TBR1: variants seen among roughly 807,000 people sequenced by gnomAD.
TBR1 encodes the protein T-box brain protein 1.
TBR1 carries 7 observed loss-of-function variants against 60.3 expected under a neutral mutation model. The observed-to-expected ratio is 0.12, with a 90% CI of 0.07 to 0.22. The LOEUF (loss-of-function observed/expected upper bound fraction) is 0.22. Ranked by LOEUF, TBR1 falls within the 10% of genes least tolerant of loss-of-function variation. The probability of loss-of-function intolerance (pLI) is 1.00; values close to 1 mark genes in which losing one functional copy is unlikely to be tolerated. For synonymous variants in TBR1, 417 were observed against 409.9 expected (o/e 1.02, Z -0.21); for missense variants, 616 against 936.8 (o/e 0.66, Z 4.47).
chr2:161,423,414 C>A lies in TBR1; in HGVS notation c.1236C>A (p.Asn412Lys). 6.3e-7 allele frequency: 1 copy of A among 1,593,190 alleles called. No homozygotes were observed. Among genetic ancestry groups the A allele is most frequent in the Non-Finnish European group, 8.5e-7 (1 of 1,170,544 alleles). The change falls in exon 6 of 6, where the codon AAC becomes AAA. Residue 412 changes from asparagine to lysine, a missense_variant. Around this residue, in one of 8 missense-constraint regions of TBR1, gnomAD observed 19 missense variants for 42.2 expected, o/e 0.45. Transcript: ENST00000389554. ...TGGACCGCCTGACCCCCTCGCCCAA[C>A]GACTCGCCGCGCTCGCAGATCGTGC... ...CDMDRLTPSP[N>K]DSPRSQIVPG...
intron 5 of TBR1, chr2:161,421,192 C>T (rs749915598): frequency 5.3e-5 from 8 of 152,250 alleles, no homozygotes; most frequent in African/African-American, 1.2e-4. Context: ...ATCTTAATTT[C>T]GTGGCTTACA....
chr2:161,416,922 C>A lies in TBR1; in HGVS notation c.512C>A (p.Thr171Lys). ...AACTCCTCGCCGCAGGGATACCCCACGGCCGGCTACCCCTACCCACAGCAG... is the reference window on the plus strand; with the variant it reads ...AACTCCTCGCCGCAGGGATACCCCAAGGCCGGCTACCCCTACCCACAGCAG... ...LSNSSPQGYP[T>K]AGYPYPQQYG... Residue 171 changes from threonine to lysine, a missense_variant, in exon 1 of 6, where the codon ACG (threonine) becomes AAG (lysine). Thr to Lys is a moderately conservative substitution (Grantham distance 78). Around this residue, in one of 8 missense-constraint regions of TBR1, gnomAD observed 211 missense variants for 268.7 expected, o/e 0.79. Coordinates refer to ENST00000389554, the MANE Select transcript of TBR1 (RefSeq NM_006593.4). The surrounding 1 kb of genome is among the most constrained non-coding windows in gnomAD (Gnocchi z 6.1). The A allele has an allele frequency of 6.2e-7, 1 of 1,614,140 alleles. No individual in the cohort carries two copies. The highest frequency in any genetic ancestry group is 8.5e-7 in the Non-Finnish European group (1 of 1,180,012).
chr2:161,423,062 TCA>T (rs1684257120), intron 5 of TBR1: 1 of 296,248 alleles, frequency 3.4e-6, no homozygotes, highest in Non-Finnish European at 6.2e-6. Flanking sequence ...TGCCCCTCTC[TCA>T]GTACCCCAGT....
chr2:161,424,124 A>G lies in TBR1; in HGVS notation c.1946A>G (p.Glu649Gly). The change falls in exon 6 of 6, where the codon GAG becomes GGG. Residue 649 changes from glutamate to glycine, a missense_variant. Glu to Gly is a moderately conservative substitution (Grantham distance 98). Coordinates refer to ENST00000389554, the MANE Select transcript of TBR1 (RefSeq NM_006593.4). The surrounding 1 kb of genome is among the most constrained non-coding windows in gnomAD (Gnocchi z 4.4). The stretch of plus-strand genomic sequence containing the variant: ...TCGCCGGCCGACACGCCCGTGTCCG[A>G]GAGTTCGTCCCCGCTCAAGAGCGAG... ...RISPADTPVS[E>G]SSSPLKSEVL... 6.2e-7 allele frequency: 1 copy of G among 1,612,834 alleles called. No homozygotes were observed. The highest frequency in any genetic ancestry group is 8.5e-7 in the Non-Finnish European group (1 of 1,179,694).
In TBR1 at chr2:161,424,137, G is replaced by C; in HGVS notation, c.1959G>C (p.Pro653=). 6.2e-7 allele frequency: 1 copy of C among 1,612,870 alleles called. No homozygotes were observed. The highest frequency in any genetic ancestry group is 8.5e-7 in the Non-Finnish European group (1 of 1,179,638). ...ADTPVSESSS[P]LKSEVLAQRD... ...CGCCCGTGTCCGAGAGTTCGTCCCC[G>C]CTCAAGAGCGAGGTGCTGGCCCAGC... The change falls in exon 6 of 6, where the codon CCG becomes CCC. Residue 653 remains proline, a synonymous_variant. Transcript: ENST00000389554. This position sits in a 1 kb window ranked among gnomAD's most constrained non-coding sequence, Gnocchi z 4.4.
At chr2:161,418,686 G>A (rs1413134183) in intron 3 of TBR1, 1 of 686,908 alleles carries the variant, frequency 1.5e-6, no homozygotes, top group Admixed American at 3.7e-5. Context: ...CCGGTGCCCC[G>A]GCTTATCTTC....
In TBR1 at chr2:161,417,552, T is replaced by C; in HGVS notation, c.693-124T>C. 8.2e-7 allele frequency: 1 copy of C among 1,212,514 alleles called. No individual in the cohort carries two copies. Among genetic ancestry groups the C allele is most frequent in the Non-Finnish European group, 1.2e-6 (1 of 863,736 alleles). The allele number at this position is 1,212,514 out of a possible 1,614,324, so 75.1% of individuals were successfully genotyped here. ...CACCCTTTTTCTAATCCAGCAAATATTCGCCTATTTGCTGCAAGTACAAGT... is the reference window on the plus strand; with the variant it reads ...CACCCTTTTTCTAATCCAGCAAATACTCGCCTATTTGCTGCAAGTACAAGT... On this transcript the variant is annotated intron_variant, in intron 1 of 5. Transcript: ENST00000389554. The surrounding 1 kb of genome is among the most constrained non-coding windows in gnomAD (Gnocchi z 5.3).
intron 2 of TBR1, 105 bp from the exon 3 acceptor site, chr2:161,418,096 A>ATG (rs78592009): frequency 0.085 from 118,348 of 1,399,744 alleles, 1,026 homozygotes; most frequent in African/African-American, 0.17. Context: ...AGGTGTGTGT[A>ATG]TGTGTGTGTG....
chr2:161,423,271 C>G, intron 5 of TBR1, 98 bp from the exon 6 acceptor site: 3 of 931,102 alleles, frequency 3.2e-6, no homozygotes, highest in Non-Finnish European at 4.6e-6. Flanking sequence ...TGGGGGTGGG[C>G]GAAAAGTGGA....
At chr2:161,418,417 C>A in intron 3 of TBR1, 95 bp downstream of exon 3, 1 of 1,463,248 alleles carries the variant, frequency 6.8e-7, no homozygotes, top group Non-Finnish European at 9.2e-7. Context: ...GAACTGGATA[C>A]ACGTTTCTTT....
In TBR1 at chr2:161,425,293, A is replaced by G. The variant is rs1684302856; in HGVS notation, c.*1066A>G. ...TCTTTCAGTACCCCTTCACCTTTAT[A>G]TGCTGTAAATCTTTGTAATGAATAC... On this transcript the variant is annotated 3_prime_UTR_variant, in exon 6 of 6. Coordinates refer to ENST00000389554, the MANE Select transcript of TBR1 (RefSeq NM_006593.4). 6.6e-6 allele frequency: 1 copy of G among 152,206 alleles called. No individual in the cohort carries two copies. The highest frequency in any genetic ancestry group is 2.4e-5 in the African/African-American group (1 of 41,424). 9.4% of individuals were successfully genotyped at this position (152,206 alleles called of 1,614,324 possible).
chr2:161,418,006 A>T, intron 2 of TBR1, 176 bp downstream of exon 2: 3 of 1,451,946 alleles, frequency 2.1e-6, no homozygotes, highest in Non-Finnish European at 2.7e-6. Flanking sequence ...ATTATGCAAA[A>T]GCTATTTTAA....
intron 4 of TBR1, chr2:161,419,900 G>A (rs1385387260): frequency 9.8e-6 from 2 of 203,354 alleles, no homozygotes; most frequent in Non-Finnish European, 2.0e-5. Flanking sequence ...TGCATTGTGT[G>A]TAACAAGCAT....
intron 4 of TBR1, chr2:161,419,330 T>G (rs1331349336): frequency 2.6e-6 from 1 of 392,058 alleles, no homozygotes. Context: ...TTGGGAGTTT[T>G]AATTTGGGCT....
chr2:161,416,665 T>A lies in TBR1; in HGVS notation c.255T>A (p.Pro85=). ...ACGTCCAGAGAAGTAAACTCTCTCC[T>A]GTCTTGGACGGGGTCTCTGAGCTTC... ...PGDVQRSKLS[P]VLDGVSELRH... is the part of the protein sequence containing the mutation. Residue 85 remains proline, a synonymous_variant, in exon 1 of 6, where the codon CCT becomes CCA. Transcript: ENST00000389554. The surrounding 1 kb of genome is among the most constrained non-coding windows in gnomAD (Gnocchi z 6.1). 1 of 1,614,232 alleles carries A rather than the reference T, an allele frequency of 6.2e-7. No individual in the cohort carries two copies. Among genetic ancestry groups the A allele is most frequent in the Non-Finnish European group, 8.5e-7 (1 of 1,180,046 alleles).
At chr2:161,421,413 C>T (rs188748345) in intron 5 of TBR1, 23 of 152,330 alleles carry the variant, frequency 1.5e-4, no homozygotes, top group African/African-American at 5.1e-4. Flanking sequence ...CCAAAGGAAC[C>T]AAGTCTCATC....
At position 161,423,448 on chromosome 2, in the gene TBR1, C is replaced by A. The variant is rs766762421; in HGVS notation, c.1270C>A (p.Arg424Ser). 5 of 1,604,888 alleles carry A rather than the reference C, an allele frequency of 3.1e-6. No individual in the cohort carries two copies. Among genetic ancestry groups the A allele is most frequent in the African/African-American group, 1.3e-5 (1 of 74,266 alleles). Residue 424 changes from arginine (R) to serine (S), a missense_variant, in exon 6 of 6, where the codon CGC becomes AGC. Coordinates refer to ENST00000389554, the MANE Select transcript of TBR1 (RefSeq NM_006593.4). ...GCGCTCGCAGATCGTGCCCGGGGCC[C>A]GCTACGCCATGGCCGGCTCTTTCCT... ...SPRSQIVPGA[R>S]YAMAGSFLQD... is the part of the protein sequence containing the mutation.
At chr2:161,420,383 C>A (rs1431439977) in intron 5 of TBR1, 126 bp downstream of exon 5, 4 of 354,996 alleles carry the variant, frequency 1.1e-5, no homozygotes, top group Non-Finnish European at 2.0e-5. Flanking sequence ...TAGAGGACTT[C>A]TTCTTCTTCG....
At position 161,417,573 on chromosome 2, in the gene TBR1, C is replaced by T; in HGVS notation, c.693-103C>T. ...AATATTCGCCTATTTGCTGCAAGTA[C>T]AAGTTTTGCTTTGCTAACTGGCGCC... is the stretch of plus-strand genomic sequence containing the variant. On this transcript the variant is annotated intron_variant, in intron 1 of 5. Transcript: ENST00000389554. This position sits in a 1 kb window ranked among gnomAD's most constrained non-coding sequence, Gnocchi z 5.3. 1 of 1,407,490 alleles carries T rather than the reference C, an allele frequency of 7.1e-7. No homozygotes were observed. The highest frequency in any genetic ancestry group is 9.7e-7 in the Non-Finnish European group (1 of 1,035,574). The allele number at this position is 1,407,490 out of a possible 1,614,324, so 87.2% of individuals were successfully genotyped here.
Sources: allele counts gnomAD v4.1 joint callset, GRCh38; gene constraint gnomAD v4.1.1; regional missense constraint gnomAD v4.1.1; non-coding constraint Gnocchi (gnomAD v3.1); transcripts MANE v1.5; gene names NCBI Gene and HGNC (gene_info 2026-07-23, HGNC 2026-07-21).